The following PYGB variants were observed in gnomAD, a reference collection of about 807,000 sequenced individuals.
PYGB encodes glycogen phosphorylase B, also known as glycogen phosphorylase, brain form.
PYGB carries 82 observed loss-of-function variants against 94.3 expected under a neutral mutation model. The observed-to-expected ratio is 0.87, with a 90% CI of 0.73 to 1.04. The LOEUF (loss-of-function observed/expected upper bound fraction) is 1.04, where lower values mean the gene tolerates loss of function less well. Among genes scored for constraint, PYGB ranks in the 50% least tolerant of loss-of-function variants. PYGB has a pLI of 0.00. For missense variants in PYGB, 1,132 were observed against 1,158.2 expected (o/e 0.98, Z 0.33); for synonymous variants, 488 against 479.1 (o/e 1.02, Z -0.24).
At chr20:25,254,494 A>T (rs1026475672) in intron 1 of PYGB, among the ~76,000 whole-genome samples, 34 of 152,190 alleles carry the variant, frequency 2.2e-4, no homozygotes, top group African/African-American at 8.2e-4. Flanking sequence ...CGGTGAAGGG[A>T]AGAGAAGTGA....
intron 2 of PYGB, among the ~76,000 whole-genome samples, chr20:25,262,245 C>T (rs557880568): frequency 3.9e-5 from 6 of 152,324 alleles, no homozygotes; most frequent in African/African-American, 7.2e-5. Context: ...TTGGATTACC[C>T]GCAAAGGGAA....
intron 19 of PYGB, 116 bp from the exon 20 acceptor site, chr20:25,296,254 G>T (rs757429013): frequency 8.5e-6 from 11 of 1,298,774 alleles, no homozygotes; most frequent in Non-Finnish European, 1.2e-5. Context: ...TCTTCCAGCG[G>T]ATGGCCCCAA....
intron 18 of PYGB, chr20:25,295,150 C>T (rs1015254554): frequency 1.8e-5 from 18 of 1,024,960 alleles, no homozygotes; most frequent in Middle Eastern, 2.0e-4. Context: ...TTGTTCAGCA[C>T]ATCAGGAACT....
chr20:25,286,116 C>T lies in PYGB; in HGVS notation c.1768+1865C>T, dbSNP rs138829443. The stretch of plus-strand genomic sequence containing the variant: ...CTCATCAGTGACTCACTGTCATTGC[C>T]GTGTCTTGGTGTTGGCCGTTACAGG... On this transcript the variant is annotated intron_variant, in intron 14 of 19. Transcript: ENST00000216962. Among the ~76,000 whole-genome samples, 755 of 152,302 alleles carry T rather than the reference C, an allele frequency of 5.0e-3. 7 individuals carry two copies. The highest frequency in any genetic ancestry group is 0.017 in the African/African-American group (708 of 41,548).
At position 25,296,719 on chromosome 20, in the gene PYGB, T is replaced by C; in HGVS notation, c.*197T>C. ...GAATGTGCTAGAAGTGCTCCTAGTT[T>C]CTTGTAAAGGAAGCCAGAGTTGACA... On this transcript the variant is annotated 3_prime_UTR_variant, in exon 20 of 20. Coordinates refer to ENST00000216962, the MANE Select transcript of PYGB (RefSeq NM_002862.4). 1.4e-6 allele frequency: 1 copy of C among 726,402 alleles called. No individual in the cohort carries two copies. The highest frequency in any genetic ancestry group is 2.2e-6 in the Non-Finnish European group (1 of 462,048). The allele number at this position is 726,402 out of a possible 1,614,324, so 45.0% of individuals were successfully genotyped here.
intron 11 of PYGB, among the ~76,000 whole-genome samples, chr20:25,281,657 G>T (rs2088368436): frequency 6.6e-6 from 1 of 152,300 alleles, no homozygotes; most frequent in Non-Finnish European, 1.5e-5. Context: ...CAAGCTTCGT[G>T]TCGGGCCCCT....
At chr20:25,287,335 CCAAA>C (rs2088427140) in intron 14 of PYGB, among the ~76,000 whole-genome samples, 1 of 152,220 alleles carries the variant, frequency 6.6e-6, no homozygotes, top group Non-Finnish European at 1.5e-5. Flanking sequence ...TTTGTGTCAT[CCAAA>C]CAATGTGTTT....
chr20:25,288,631 G>C, intron 15 of PYGB, 148 bp downstream of exon 15: 1 of 890,600 alleles, frequency 1.1e-6, no homozygotes, highest in Non-Finnish European at 1.7e-6. Context: ...GCCTGTGGGG[G>C]TGGGGACCCT....
intron 4 of PYGB, 74 bp downstream of exon 4, chr20:25,271,560 T>G (rs1182382741): frequency 2.7e-6 from 4 of 1,502,764 alleles, no homozygotes; most frequent in Non-Finnish European, 3.7e-6. Context: ...TTGCAGTTTG[T>G]CTTTTTATAC....
intron 6 of PYGB, 70 bp downstream of exon 6, chr20:25,276,827 C>T: frequency 7.2e-7 from 1 of 1,391,444 alleles, no homozygotes; most frequent in Non-Finnish European, 1.0e-6. Context: ...TCGCCCACAG[C>T]CTTTACCGCG....
At position 25,248,423 on chromosome 20, in the gene PYGB, T is replaced by G. The variant is rs774269172; in HGVS notation, c.243+2T>G. 3 of 1,507,282 alleles carry G rather than the reference T, an allele frequency of 2.0e-6. No individual in the cohort carries two copies. The highest frequency in any genetic ancestry group is 2.7e-6 in the Non-Finnish European group (3 of 1,124,040). The allele number at this position is 1,507,282 out of a possible 1,614,324, so 93.4% of individuals were successfully genotyped here. A position where few individuals can be genotyped will look rare whatever the true frequency, so the allele number is the denominator to read the frequency against. On this transcript the variant is annotated splice_donor_variant, in intron 1 of 19. Transcript: ENST00000216962. LOFTEE classifies it high-confidence loss of function. Reference sequence around the variant, plus strand: ...CACTACTACGAGCGCGACCCCAAGGTGAGGCGCTGCCCCGCCCTGTGCGCC... The same window carrying G: ...CACTACTACGAGCGCGACCCCAAGGGGAGGCGCTGCCCCGCCCTGTGCGCC...
rs988924222 is a variant in PYGB, at chr20:25,276,339, C to T, written c.661-307C>T. On this transcript the variant is annotated intron_variant, in intron 5 of 19. Transcript: ENST00000216962. ...TTGGTGCTGCAGCACCTCAGGGAGT[C>T]GGGATGGGGATGATTCTTCAGTCAA... Among the ~76,000 whole-genome samples, 3 of 152,030 alleles carry T rather than the reference C, an allele frequency of 2.0e-5. No homozygotes were observed. In the South Asian group the frequency reaches 6.2e-4, roughly 32 times the overall value.
At chr20:25,267,225 C>G (rs2088226094) in intron 2 of PYGB, among the ~76,000 whole-genome samples, 1 of 152,040 alleles carries the variant, frequency 6.6e-6, no homozygotes, top group Non-Finnish European at 1.5e-5. Flanking sequence ...TTGGAAGAAG[C>G]CATGAAATAT....
chr20:25,277,061 T>C (rs1053596444), intron 6 of PYGB, among the ~76,000 whole-genome samples, 183 bp from the exon 7 acceptor site: 9 of 151,318 alleles, frequency 5.9e-5, no homozygotes, highest in African/African-American at 1.9e-4. Flanking sequence ...GTGCGGTACA[T>C]AGGGGAGCTG....
At position 25,270,647 on chromosome 20, in the gene PYGB, G is replaced by A. The variant is rs533747074; in HGVS notation, c.425-736G>A. Among the ~76,000 whole-genome samples, 5 of 152,186 alleles carry A rather than the reference G, an allele frequency of 3.3e-5. No homozygotes were observed. The South Asian group carries it at 6.2e-4, about 19-fold the overall frequency. On this transcript the variant is annotated intron_variant, in intron 3 of 19. Coordinates refer to ENST00000216962, the MANE Select transcript of PYGB (RefSeq NM_002862.4). ...CGAGTAGCTGGGACCACAGGCATGC[G>A]TCACTATGCACAGCTAATTGTATTT...
intron 8 of PYGB, among the ~76,000 whole-genome samples, chr20:25,278,844 C>A (rs934249587): frequency 1.3e-5 from 2 of 152,200 alleles, no homozygotes; most frequent in African/African-American, 4.8e-5. Context: ...AGGGCACTCA[C>A]CAGCAGGCAC....
At chr20:25,291,090 G>GC (rs1413127229) in intron 16 of PYGB, among the ~76,000 whole-genome samples, 2 of 152,026 alleles carry the variant, frequency 1.3e-5, no homozygotes, top group African/African-American at 4.8e-5. Flanking sequence ...GGGGTTGTGG[G>GC]CCCCCAGCTT....
chr20:25,270,209 T>G lies in PYGB; in HGVS notation c.424+1002T>G, dbSNP rs796313990. ...GAAGTTTTTTTTGTTTTGTTTTGTT[T>G]TTTTTTTTTTTGAGATGGAGTCTCA... is the stretch of plus-strand genomic sequence containing the variant. On this transcript the variant is annotated intron_variant, in intron 3 of 19. Coordinates refer to ENST00000216962, the MANE Select transcript of PYGB (RefSeq NM_002862.4). Among the ~76,000 whole-genome samples, 148 of 145,182 alleles carry G rather than the reference T, an allele frequency of 1.0e-3. 1 individual carries two copies. Among genetic ancestry groups the G allele is most frequent in the African/African-American group, 3.9e-3 (143 of 36,884 alleles).
rs1600733456 is a variant in PYGB at position 25,278,992 on chromosome 20, G to A, written c.1000-65G>A. 4.0e-6 allele frequency: 6 copies of A among 1,495,400 alleles called. No individual in the cohort carries two copies. The African/African-American group carries it at 5.5e-5, about 14-fold the overall frequency. 92.6% of individuals were successfully genotyped at this position (1,495,400 alleles called of 1,614,324 possible). A position where few individuals can be genotyped will look rare whatever the true frequency, so the allele number is the denominator to read the frequency against. ...CTCCTTCACTTGGGGAGCTTCGTAT[G>A]CCAACAACCGTGGGTGCCCACGTGG... is the stretch of plus-strand genomic sequence containing the variant. On this transcript the variant is annotated intron_variant, in intron 8 of 19. Transcript: ENST00000216962.
Sources: gnomAD v4.1 joint callset for allele counts (sites outside exome capture counted in the v4.1 genomes callset) on GRCh38, gnomAD v4.1.1 for gene constraint, MANE v1.5 for transcripts, NCBI Gene and HGNC (gene_info 2026-07-23, HGNC 2026-07-21) for gene names.